The following CEP85L variants were observed in gnomAD, a reference collection of about 807,000 sequenced individuals.
The protein encoded by CEP85L is centrosomal protein of 85 kDa-like.
In CEP85L, 60 loss-of-function variants were observed where a neutral mutation model predicts 100.3. The ratio of observed to expected loss-of-function variants is 0.60; its 90% CI spans 0.49 to 0.74. The LOEUF (loss-of-function observed/expected upper bound fraction) is 0.74, where lower values mean the gene tolerates loss of function less well. Ranked by LOEUF, CEP85L falls within the 30% of genes least tolerant of loss-of-function variation. CEP85L has a pLI of 0.00. For synonymous variants in CEP85L, 319 were observed against 322.7 expected (o/e 0.99, Z 0.12); for missense variants, 973 against 936.2 (o/e 1.04, Z -0.51).
chr6:118,558,847 T>C (rs936386545), intron 3 of CEP85L: 3 of 995,450 alleles, frequency 3.0e-6, no homozygotes, highest in African/African-American at 3.2e-5. Flanking sequence ...AAGACAGTTA[T>C]CTCATATTTG....
At chr6:118,492,770 G>A (rs1774658923) in intron 5 of CEP85L, among the ~76,000 whole-genome samples, 1 of 152,110 alleles carries the variant, frequency 6.6e-6, no homozygotes, top group African/African-American at 2.4e-5. Flanking sequence ...AGTTTAATGT[G>A]TCATACACAA....
At position 118,587,417 on chromosome 6, in the gene CEP85L, T is replaced by C. The variant is rs555205118; in HGVS notation, c.233-21101A>G. ...GGAAGAACCATACTTGGGAGTAACA[T>C]CACACTTGTAATTGCTGATAGTTCA... On this transcript the variant is annotated intron_variant, in intron 2 of 12. Transcript: ENST00000368491. Among the ~76,000 whole-genome samples, 5 of 152,292 alleles carry C rather than the reference T, an allele frequency of 3.3e-5. No homozygotes were observed. The South Asian group carries it at 8.3e-4, about 25-fold the overall frequency.
At chr6:118,672,251 A>G (rs918727307) in intron 1 of CEP85L, among the ~76,000 whole-genome samples, 1 of 152,060 alleles carries the variant, frequency 6.6e-6, no homozygotes, top group African/African-American at 2.4e-5. Flanking sequence ...TTGGCCAGGC[A>G]AGTCTCGAAC....
Position 118,465,303 on chromosome 6 carries a change from A to G in CEP85L, c.*102T>C. 1 of 1,066,656 alleles carries G rather than the reference A, an allele frequency of 9.4e-7. No individual in the cohort carries two copies. Among genetic ancestry groups the G allele is most frequent in the South Asian group, 2.2e-5 (1 of 44,796 alleles). 66.1% of individuals were successfully genotyped at this position (1,066,656 alleles called of 1,614,324 possible). A position where few individuals can be genotyped will look rare whatever the true frequency, so the allele number is the denominator to read the frequency against. On this transcript the variant is annotated 3_prime_UTR_variant, in exon 13 of 13. Coordinates refer to ENST00000368491, the MANE Select transcript of CEP85L (RefSeq NM_001042475.3). ...AACAAAACAAATCCACAGAAAAAAA[A>G]TCCCTAAGTGCAAGTCATGTCACTT...
At chr6:118,617,677 T>G (rs188570246) in intron 2 of CEP85L, among the ~76,000 whole-genome samples, 3 of 152,170 alleles carry the variant, frequency 2.0e-5, no homozygotes, top group Admixed American at 6.5e-5. Flanking sequence ...CTTTGTACTT[T>G]CGCTCTGCTC....
chr6:118,649,704 C>T (rs939051303), intron 1 of CEP85L, among the ~76,000 whole-genome samples: 5 of 151,106 alleles, frequency 3.3e-5, no homozygotes, highest in Non-Finnish European at 7.4e-5. Flanking sequence ...AACCTCTGAA[C>T]TGTCTCCTTA....
At chr6:118,529,745 C>T (rs1777186845) in intron 3 of CEP85L, among the ~76,000 whole-genome samples, 1 of 151,270 alleles carries the variant, frequency 6.6e-6, no homozygotes, top group Non-Finnish European at 1.5e-5. Flanking sequence ...TTTGAGTATA[C>T]ATAAATATCT....
chr6:118,677,980 A>C (rs530141540), intron 1 of CEP85L, among the ~76,000 whole-genome samples: 1 of 152,296 alleles, frequency 6.6e-6, no homozygotes, highest in East Asian at 1.9e-4. Flanking sequence ...TTTATGATCA[A>C]GCTATTTCCC....
In CEP85L at chr6:118,542,900, C is replaced by CAAAAAAAAAAAAAAAAAAAAAA. The variant is rs71012391; in HGVS notation, c.1021-19002_1021-18981dup. ...GAACTTCAACATCACCAAGTTTTCC[C>CAAAAAAAAAAAAAAAAAAAAAA]AAAAAAAAAAAAAAAAAAAAAAACA... On this transcript the variant is annotated intron_variant, in intron 3 of 12. Coordinates refer to ENST00000368491, the MANE Select transcript of CEP85L (RefSeq NM_001042475.3). Among the ~76,000 whole-genome samples the CAAAAAAAAAAAAAAAAAAAAAA allele has an allele frequency of 1.0e-3, 68 of 67,150 alleles. 2 individuals carry two copies. Among genetic ancestry groups the CAAAAAAAAAAAAAAAAAAAAAA allele is most frequent in the Non-Finnish European group, 1.3e-3 (45 of 34,556 alleles). 44.1% of individuals were successfully genotyped at this position (67,150 alleles called of 152,430 possible). A position where few individuals can be genotyped will look rare whatever the true frequency, so the allele number is the denominator to read the frequency against.
chr6:118,651,368 G>C lies in CEP85L; in HGVS notation c.-99C>G. Reference sequence around the variant, plus strand: ...AAACTTGCGCGGAGCGTGGGCCTCGGCGACACGGGCAGGAGGAAAGGCGGG... The same window carrying C: ...AAACTTGCGCGGAGCGTGGGCCTCGCCGACACGGGCAGGAGGAAAGGCGGG... On this transcript the variant is annotated 5_prime_UTR_variant, in exon 1 of 13. Coordinates refer to ENST00000368491, the MANE Select transcript of CEP85L (RefSeq NM_001042475.3). The C allele has an allele frequency of 7.3e-7, 1 of 1,372,114 alleles. No homozygotes were observed. 85.0% of individuals were successfully genotyped at this position (1,372,114 alleles called of 1,614,324 possible). A position where few individuals can be genotyped will look rare whatever the true frequency, so the allele number is the denominator to read the frequency against.
At chr6:118,492,087 AAT>A (rs1410238749) in intron 5 of CEP85L, among the ~76,000 whole-genome samples, 1 of 152,132 alleles carries the variant, frequency 6.6e-6, no homozygotes, top group Non-Finnish European at 1.5e-5. Context: ...AAACAGAAAC[AAT>A]AAAGCCTACT....
intron 12 of CEP85L, among the ~76,000 whole-genome samples, chr6:118,466,277 C>T (rs763686735): frequency 2.0e-5 from 3 of 152,156 alleles, no homozygotes; most frequent in Non-Finnish European, 4.4e-5. Flanking sequence ...CTCCTTATAC[C>T]TTCATAGTAG....
At chr6:118,572,044 C>T (rs946128096) in intron 2 of CEP85L, among the ~76,000 whole-genome samples, 5 of 151,792 alleles carry the variant, frequency 3.3e-5, no homozygotes, top group Non-Finnish European at 4.4e-5. Context: ...TTAGTAGAGA[C>T]GGGGTTTCTC....
intron 2 of CEP85L, among the ~76,000 whole-genome samples, chr6:118,582,203 C>G (rs1001864136): frequency 6.6e-6 from 1 of 152,192 alleles, no homozygotes. Flanking sequence ...TTCATTCTTA[C>G]CTCTGCAGGA....
chr6:118,541,166 T>G (rs941235693), intron 3 of CEP85L, among the ~76,000 whole-genome samples: 20 of 152,206 alleles, frequency 1.3e-4, no homozygotes, highest in African/African-American at 4.6e-4. Flanking sequence ...CGGGGCAGCC[T>G]TACAAATGAC....
intron 1 of CEP85L, among the ~76,000 whole-genome samples, chr6:118,635,603 C>A (rs1774443846): frequency 6.6e-6 from 1 of 152,074 alleles, no homozygotes; most frequent in Admixed American, 6.5e-5. Context: ...GATTAGAAAC[C>A]AGCTATAGCT....
chr6:118,599,186 A>T lies in CEP85L; in HGVS notation c.233-32870T>A, dbSNP rs115587351. ...CTGAATACCACTCTCCAATAAAAAG[A>T]ACCAGAGCTCATTGGTGAAATGATT... On this transcript the variant is annotated intron_variant, in intron 2 of 12. Coordinates refer to ENST00000368491, the MANE Select transcript of CEP85L (RefSeq NM_001042475.3). Among the ~76,000 whole-genome samples, 1,507 of 152,310 alleles carry T rather than the reference A, an allele frequency of 9.9e-3. 36 individuals carry two copies. The highest frequency in any genetic ancestry group is 0.034 in the African/African-American group (1,395 of 41,554).
chr6:118,637,754 G>A (rs1774604296), intron 1 of CEP85L, among the ~76,000 whole-genome samples: 2 of 142,664 alleles, frequency 1.4e-5, no homozygotes, highest in Admixed American at 1.4e-4. Context: ...GAAGTTAAAG[G>A]CAAACACTAA....
intron 4 of CEP85L, among the ~76,000 whole-genome samples, chr6:118,516,633 A>G (rs1351192705): frequency 6.6e-6 from 1 of 152,108 alleles, no homozygotes; most frequent in African/African-American, 2.4e-5. Context: ...GTTATTGTAG[A>G]TTCTGGATAT....
Sources: gnomAD v4.1 joint callset for allele counts (sites outside exome capture counted in the v4.1 genomes callset) on GRCh38, gnomAD v4.1.1 for gene constraint, MANE v1.5 for transcripts, NCBI Gene and HGNC (gene_info 2026-07-23, HGNC 2026-07-21) for gene names.